AMBN: variants seen among roughly 807,000 people sequenced by gnomAD.
AMBN encodes the protein ameloblastin.
A neutral mutation model predicts 48.0 loss-of-function variants in AMBN; 54 were observed. The ratio of observed to expected loss-of-function variants is 1.12; its 90% CI spans 0.90 to 1.41. The LOEUF is 1.41. Ranked by LOEUF, AMBN falls within the 40% of genes most tolerant of loss-of-function variation. The pLI is 0.00. For missense variants in AMBN, 571 were observed against 547.3 expected, an observed-to-expected ratio of 1.04 and a Z score of -0.43; for synonymous variants, 186 against 190.0, an observed-to-expected ratio of 0.98 and a Z score of 0.17.
intron 1 of AMBN, among the ~76,000 whole-genome samples, chr4:70,592,982 C>T (rs138774045): frequency 9.5e-4 from 144 of 152,196 alleles, no homozygotes; most frequent in African/African-American, 3.3e-3. Context: ...ACCTTATAGA[C>T]CAATATTTTA....
At position 70,606,309 on chromosome 4, in the gene AMBN, C is replaced by T; in HGVS notation, c.923C>T (p.Ser308Phe). Residue 308 changes from serine to phenylalanine, a missense_variant, in exon 13 of 13, where the codon TCC becomes TTC. Ser to Phe is a radical substitution (Grantham distance 155). Transcript: ENST00000322937. ...MGGDFTLEFD[S>F]PVAATKGPEN... ...GGTGACTTCACTCTGGAATTTGACT[C>T]CCCAGTGGCTGCCACCAAAGGCCCT... 1 of 1,614,072 alleles carries T rather than the reference C, an allele frequency of 6.2e-7. No homozygotes were observed. Among genetic ancestry groups the T allele is most frequent in the Non-Finnish European group, 8.5e-7 (1 of 1,180,000 alleles).
In AMBN at chr4:70,603,925, A is replaced by G. The variant is rs77969954; in HGVS notation, c.798+4A>G. The G allele has an allele frequency of 1.9e-6, 3 of 1,613,850 alleles. No homozygotes were observed. In the South Asian group the frequency reaches 3.3e-5, roughly 18 times the overall value. ...CATGAGTTCAGAAGAAGTGGCAGTGAGTAATGTCTTCTAACTCTTCTTAAA... is the reference window on the plus strand; with the variant it reads ...CATGAGTTCAGAAGAAGTGGCAGTGGGTAATGTCTTCTAACTCTTCTTAAA... On this transcript the variant is annotated splice_donor_region_variant and intron_variant, in intron 12 of 12. Transcript: ENST00000322937.
chr4:70,597,153 G>C, intron 3 of AMBN, 104 bp downstream of exon 3: 1 of 1,028,288 alleles, frequency 9.7e-7, no homozygotes, highest in Non-Finnish European at 1.4e-6. Context: ...CCAGAAGTTT[G>C]TGGCTGTTAT....
In AMBN at chr4:70,596,979, T is replaced by C. The variant is rs375499565; in HGVS notation, c.85-20T>C. On this transcript the variant is annotated intron_variant, in intron 2 of 12. Coordinates refer to ENST00000322937, the MANE Select transcript of AMBN (RefSeq NM_016519.6). ...AGTTTTGTACCAATAAGACTCAAAA[T>C]TATTCTTATTTTCATTCAGTTCTTT... 5 of 1,611,444 alleles carry C rather than the reference T, an allele frequency of 3.1e-6. No homozygotes were observed. In the African/African-American group the frequency reaches 6.7e-5, roughly 22 times the overall value.
chr4:70,600,033 G>A (rs1175229893), intron 5 of AMBN, among the ~76,000 whole-genome samples: 3 of 152,176 alleles, frequency 2.0e-5, no homozygotes, highest in African/African-American at 7.2e-5. Context: ...ATAGCCAGGT[G>A]CGATGGCTGA....
Position 70,599,894 on chromosome 4 carries a change from A to C in AMBN, c.294+248A>C, listed in dbSNP as rs143941749. On this transcript the variant is annotated intron_variant, in intron 5 of 12. Transcript: ENST00000322937. ...CCAAAATATGAGACCTATATTAAAG[A>C]TATCAGTAAACAATCCTCGAAAATC... Among the ~76,000 whole-genome samples the C allele has an allele frequency of 7.4e-4, 112 of 152,352 alleles. 2 individuals are homozygous for C. The South Asian group carries it at 0.02, about 28-fold the overall frequency.
chr4:70,601,499 T>A lies in AMBN; in HGVS notation c.376T>A (p.Phe126Ile), dbSNP rs746141544. The A allele has an allele frequency of 6.2e-7, 1 of 1,614,164 alleles. No homozygotes were observed. The highest frequency in any genetic ancestry group is 1.1e-5 in the South Asian group (1 of 91,092). ...GCCTCAACAGCCAGGACTGAAACCT[T>A]TTCTCCAGTCTGCTGCTGCAACCAC... ...LKPQQPGLKP[F>I]LQSAAATTNQ... Residue 126 changes from phenylalanine (F) to isoleucine (I), a missense_variant, in exon 6 of 13, where the codon TTT (phenylalanine) becomes ATT (isoleucine). Phe to Ile is a conservative substitution (Grantham distance 21, BLOSUM62 0). Coordinates refer to ENST00000322937, the MANE Select transcript of AMBN (RefSeq NM_016519.6).
chr4:70,601,820 G>A (rs574230384), intron 6 of AMBN, 166 bp downstream of exon 6: 24 of 739,874 alleles, frequency 3.2e-5, no homozygotes, highest in South Asian at 6.1e-5. Context: ...TGAGTAAAAC[G>A]TAAATATCCA....
At chr4:70,600,727 AT>A (rs891755127) in intron 5 of AMBN, among the ~76,000 whole-genome samples, 56 of 152,258 alleles carry the variant, frequency 3.7e-4, no homozygotes, top group African/African-American at 1.2e-3. Context: ...TTAACGGGGA[AT>A]TTTTTCGTTT....
intron 2 of AMBN, among the ~76,000 whole-genome samples, chr4:70,595,823 G>C (rs1028621847): frequency 3.3e-5 from 5 of 151,914 alleles, no homozygotes; most frequent in African/African-American, 1.2e-4. Context: ...AATAAGGATT[G>C]GTTTCAAAAG....
At chr4:70,605,034 C>G (rs1737610300) in intron 12 of AMBN, among the ~76,000 whole-genome samples, 1 of 151,312 alleles carries the variant, frequency 6.6e-6, no homozygotes, top group Non-Finnish European at 1.5e-5. Context: ...AACTTACAGT[C>G]TAATGAATGG....
rs1215733271 is a variant in AMBN at position 70,598,339 on chromosome 4, C to T, written c.136-17C>T. 1 of 1,552,732 alleles carries T rather than the reference C, an allele frequency of 6.4e-7. No individual in the cohort carries two copies. The highest frequency in any genetic ancestry group is 8.7e-7 in the Non-Finnish European group (1 of 1,147,994). ...AGCATATGCGATAAACAGTAACCCA[C>T]TTTTTTTTCTTGATAGACAATGAGA... is the stretch of plus-strand genomic sequence containing the variant. On this transcript the variant is annotated splice_polypyrimidine_tract_variant and intron_variant, in intron 3 of 12. Transcript: ENST00000322937.
At chr4:70,604,025 T>C (rs935595130) in intron 12 of AMBN, 104 bp downstream of exon 12, 2 of 1,130,804 alleles carry the variant, frequency 1.8e-6, no homozygotes, top group Non-Finnish European at 2.6e-6. Flanking sequence ...CAAATGAGCA[T>C]GGGACTCAGA....
At chr4:70,601,983 G>A in intron 6 of AMBN, 1 of 482,988 alleles carries the variant, frequency 2.1e-6, no homozygotes, top group Non-Finnish European at 4.0e-6. Context: ...GTCTTTTTTG[G>A]TATTGGAAAA....
rs376082805 is a variant in AMBN at position 70,602,508 on chromosome 4, T to G, written c.532-116T>G. The G allele has an allele frequency of 5.9e-5, 41 of 696,774 alleles. No individual in the cohort carries two copies. In the African/African-American group the frequency reaches 6.3e-4, roughly 11 times the overall value. The allele number at this position is 696,774 out of a possible 1,614,324, so 43.2% of individuals were successfully genotyped here. On this transcript the variant is annotated intron_variant, in intron 6 of 12. Transcript: ENST00000322937. ...CTCATTTTAATTGTTTTATTGTAAT[T>G]GTAAACAAGATAAGGATGTGATCAG...
chr4:70,606,244 G>A lies in AMBN; in HGVS notation c.858G>A (p.Arg286=), dbSNP rs1708322880. The A allele has an allele frequency of 7.4e-6, 12 of 1,613,996 alleles. No individual in the cohort carries two copies. The highest frequency in any genetic ancestry group is 9.3e-6 in the Non-Finnish European group (11 of 1,180,020). Residue 286 remains arginine (R), a synonymous_variant, in exon 13 of 13, where the codon AGG becomes AGA. Coordinates refer to ENST00000322937, the MANE Select transcript of AMBN (RefSeq NM_016519.6). Reference sequence around the variant, plus strand: ...TGTTTCCAGGATTTGGAGGCATGAGGCCCGGCTTTGAGGGAATGCCCCACA... The same window carrying A: ...TGTTTCCAGGATTTGGAGGCATGAGACCCGGCTTTGAGGGAATGCCCCACA... ...GAMFPGFGGM[R]PGFEGMPHNP...
At chr4:70,597,492 T>C (rs553165288) in intron 3 of AMBN, among the ~76,000 whole-genome samples, 32 of 152,258 alleles carry the variant, frequency 2.1e-4, no homozygotes, top group South Asian at 8.3e-4. Context: ...TGTACTATGA[T>C]ACTTCCTGCA....
At chr4:70,594,355 T>G (rs1737346522) in intron 2 of AMBN, among the ~76,000 whole-genome samples, 1 of 152,240 alleles carries the variant, frequency 6.6e-6, no homozygotes, top group Admixed American at 6.5e-5. Flanking sequence ...CATGCAATTC[T>G]GTTATCACAA....
chr4:70,599,789 A>G (rs536021304), intron 5 of AMBN, 143 bp downstream of exon 5: 9 of 537,674 alleles, frequency 1.7e-5, no homozygotes, highest in Admixed American at 1.1e-4. Context: ...ATCGAAGCCT[A>G]TAACTGCTTT....
Sources: allele counts gnomAD v4.1 joint callset (sites outside exome capture counted in the v4.1 genomes callset), GRCh38; gene constraint gnomAD v4.1.1; transcripts MANE v1.5; gene names NCBI Gene and HGNC (gene_info 2026-07-23, HGNC 2026-07-21).